The following ZNF208 variants were observed in gnomAD, a reference collection of about 807,000 sequenced individuals.
ZNF208 encodes the protein zinc finger protein 95.
In ZNF208, 10 loss-of-function variants were observed where a neutral mutation model predicts 12.1. That is an observed-to-expected ratio of 0.83 (90% confidence interval 0.51 to 1.40). The LOEUF (loss-of-function observed/expected upper bound fraction) is 1.40. Ranked by LOEUF, ZNF208 falls within the 40% of genes most tolerant of loss-of-function variation. The pLI is 0.00. For missense variants in ZNF208, 1,652 were observed against 1,485.0 expected (o/e 1.11, Z -1.85); for synonymous variants, 497 against 488.4 (o/e 1.02, Z -0.23).
At chr19:21,996,679 T>C (rs1383675261) in intron 1 of ZNF208, among the ~76,000 whole-genome samples, 2 of 152,182 alleles carry the variant, frequency 1.3e-5, no homozygotes, top group Non-Finnish European at 2.9e-5. Context: ...CATTTTAGCA[T>C]GAGGAGGGAG....
rs780663484 is a variant in ZNF208, at chr19:21,972,313, A to G, written c.2721T>C (p.His907=). 1.2e-6 allele frequency: 2 copies of G among 1,613,636 alleles called. No individual in the cohort carries two copies. The highest frequency in any genetic ancestry group is 1.7e-6 in the Non-Finnish European group (2 of 1,179,880). The change falls in exon 4 of 4, where the codon CAT becomes CAC. Residue 907 remains histidine (H), a synonymous_variant. Coordinates refer to ENST00000397126, the MANE Select transcript of ZNF208 (RefSeq NM_007153.3). The part of the protein sequence containing the change: ...GFSMFSILTK[H]EVIHTGEKPY... ...GTTTCTCTCCAGTATGAATTACCTC[A>G]TGTTTAGTAAGGATGGAGAACATAC...
rs1970264451 is a variant in ZNF208, at chr19:21,970,787, A to C, written c.*404T>G. The C allele has an allele frequency of 5.6e-6, 8 of 1,430,780 alleles. No homozygotes were observed. The highest frequency in any genetic ancestry group is 6.9e-6 in the Non-Finnish European group (7 of 1,018,958). 88.6% of individuals were successfully genotyped at this position (1,430,780 alleles called of 1,614,324 possible). The stretch of plus-strand genomic sequence containing the variant: ...CTTCACATTTTTAGAATTTCTCTCC[A>C]GCATGAATTTTCTTATGTTTACTAA... On this transcript the variant is annotated 3_prime_UTR_variant, in exon 4 of 4. Transcript: ENST00000397126.
At chr19:21,955,297 T>C (rs770189175) in intron 4 of ZNF208, among the ~76,000 whole-genome samples, 6 of 152,206 alleles carry the variant, frequency 3.9e-5, no homozygotes, top group African/African-American at 1.4e-4. Context: ...AATCTGACGA[T>C]TATGTGTCTT....
At chr19:21,964,899 C>A (rs1374996854), downstream of ZNF208, among the ~76,000 whole-genome samples, 1 of 151,824 alleles carries the variant, frequency 6.6e-6, no homozygotes, top group African/African-American at 2.4e-5. Context: ...TATAAAGTTT[C>A]TTTTAAAAAT....
downstream of ZNF208, among the ~76,000 whole-genome samples, chr19:21,964,311 G>A (rs548659955): frequency 2.2e-3 from 329 of 151,808 alleles, 1 homozygote; most frequent in Non-Finnish European, 3.8e-3. Context: ...TGAACAGTCA[G>A]AACCCAGCAC....
At chr19:21,964,145 T>C (rs1229927328), downstream of ZNF208, among the ~76,000 whole-genome samples, 2 of 151,862 alleles carry the variant, frequency 1.3e-5, no homozygotes, top group Non-Finnish European at 2.9e-5. Context: ...CTACTAATAC[T>C]TTTTTTATAA....
At chr19:21,952,260 T>G (rs936564870) in intron 4 of ZNF208, among the ~76,000 whole-genome samples, 5 of 152,218 alleles carry the variant, frequency 3.3e-5, no homozygotes, top group African/African-American at 1.2e-4. Flanking sequence ...TTCTGCAGAT[T>G]TATATGTTCC....
At chr19:21,955,542 T>G (rs1211609383) in intron 4 of ZNF208, among the ~76,000 whole-genome samples, 1 of 152,222 alleles carries the variant, frequency 6.6e-6, no homozygotes, top group Non-Finnish European at 1.5e-5. Context: ...TACTCTTGTT[T>G]CTCTAAACTT....
chr19:21,973,987 G>A lies in ZNF208; in HGVS notation c.1047C>T (p.Ala349=). The change falls in exon 4 of 4, where the codon GCC becomes GCT. Residue 349 remains alanine, a synonymous_variant. Coordinates refer to ENST00000397126, the MANE Select transcript of ZNF208 (RefSeq NM_007153.3). ...KPYKCKECGK[A]FSKFSILTKH... is the part of the protein sequence containing the mutation. ...TAGTAAGGATTGAGAACTTACTAAA[G>A]GCTTTGCCACATTCTTTACATTTGT... is the stretch of plus-strand genomic sequence containing the variant. 1 of 1,600,524 alleles carries A rather than the reference G, an allele frequency of 6.2e-7. No individual in the cohort carries two copies. Among genetic ancestry groups the A allele is most frequent in the Non-Finnish European group, 8.5e-7 (1 of 1,171,040 alleles).
rs765787515 is a variant in ZNF208, at chr19:21,971,946, T to C, written c.3088A>G (p.Lys1030Glu). Residue 1030 changes from lysine (K) to glutamate (E), a missense_variant, in exon 4 of 4, where the codon AAA (lysine) becomes GAA (glutamate). Lys to Glu is a moderately conservative substitution (Grantham distance 56). Coordinates refer to ENST00000397126, the MANE Select transcript of ZNF208 (RefSeq NM_007153.3). Reference protein sequence around the residue: ...KKIHTGETPYKCEECDKAFSW... With the variant: ...KKIHTGETPYECEECDKAFSW... The stretch of plus-strand genomic sequence containing the variant: ...AAGGCTTTGTCACATTCTTCACATT[T>C]GTAGGGTGTCTCTCCAGTGTGAATT... 6.3e-7 allele frequency: 1 copy of C among 1,576,824 alleles called. No homozygotes were observed. The highest frequency in any genetic ancestry group is 1.7e-5 in the Admixed American group (1 of 58,434).
chr19:21,984,886 G>GA (rs1356063842), intron 3 of ZNF208, among the ~76,000 whole-genome samples: 1 of 152,050 alleles, frequency 6.6e-6, no homozygotes, highest in African/African-American at 2.4e-5. Context: ...GTATAAGGAT[G>GA]AAAAATCAGA....
intron 3 of ZNF208, among the ~76,000 whole-genome samples, chr19:21,979,993 A>G (rs1205394948): frequency 6.6e-6 from 1 of 152,220 alleles, no homozygotes. Context: ...TCATTACATA[A>G]TGGTAAAGGG....
At chr19:21,988,698 T>C (rs1970668306) in intron 2 of ZNF208, 85 bp downstream of exon 2, 1 of 1,605,330 alleles carries the variant, frequency 6.2e-7, no homozygotes, top group Non-Finnish European at 8.5e-7. Context: ...CTCACATTCA[T>C]CCTCCGTTGT....
Position 21,974,790 on chromosome 19 carries a change from C to G in ZNF208, c.244G>C (p.Ala82Pro). ...CCCTGCTCTGGCCAAAGATCTTGAG[C>G]AAAATGAGAACATATAACTGAAAAG... The part of the protein sequence containing the change: ...EESPVICSHF[A>P]QDLWPEQGIE... Residue 82 changes from alanine to proline, a missense_variant, in exon 4 of 4, where the codon GCT (alanine) becomes CCT (proline). This residue lies in a region of ZNF208 where 410 missense variants were observed against 378.2 expected (regional missense o/e 1.08). Transcript: ENST00000397126. 6.4e-7 allele frequency: 1 copy of G among 1,563,426 alleles called. No individual in the cohort carries two copies. The highest frequency in any genetic ancestry group is 2.0e-5 in the Admixed American group (1 of 50,254).
chr19:21,996,745 T>C (rs1970842019), intron 1 of ZNF208, among the ~76,000 whole-genome samples: 1 of 152,154 alleles, frequency 6.6e-6, no homozygotes, highest in Admixed American at 6.5e-5. Flanking sequence ...TTTACTCTGA[T>C]TGGGTTTCTG....
rs534399172 is a variant in ZNF208 at position 21,989,587 on chromosome 19, G to GAT, written c.4-680_4-679dup. On this transcript the variant is annotated intron_variant, in intron 1 of 3. Transcript: ENST00000397126. ...TAGCAGCATGATTTATAGTCCTTTG[G>GAT]ATATATACCCAGTAATGAGATGGCT... Among the ~76,000 whole-genome samples the GAT allele has an allele frequency of 5.7e-3, 873 of 152,038 alleles. 1 individual carries two copies. Among genetic ancestry groups the GAT allele is most frequent in the African/African-American group, 0.02 (815 of 41,472 alleles).
chr19:22,009,763 AAT>A lies in ZNF208; in HGVS notation c.3+1027_3+1028del, dbSNP rs1491020313. On this transcript the variant is annotated intron_variant, in intron 1 of 3. Transcript: ENST00000397126. ...CTTGGTCTCAAAAAAAAAAAAAAAA[AAT>A]CTAATTCAAATGCATTTTTTGTAAA... Among the ~76,000 whole-genome samples the A allele has an allele frequency of 4.0e-5, 6 of 151,598 alleles. 1 individual carries two copies. Among genetic ancestry groups the A allele is most frequent in the African/African-American group, 1.5e-4 (6 of 41,312 alleles).
At chr19:21,983,353 C>T (rs535293567) in intron 3 of ZNF208, among the ~76,000 whole-genome samples, 2 of 106,562 alleles carry the variant, frequency 1.9e-5, no homozygotes, top group Admixed American at 1.9e-4. Flanking sequence ...AGTCAGGAAA[C>T]AACAGATGCT....
At chr19:21,941,209 T>C (rs748029744) in intron 4 of ZNF208, 7 of 397,030 alleles carry the variant, frequency 1.8e-5, no homozygotes, top group Non-Finnish European at 3.1e-5. Flanking sequence ...CTCCTCAAAG[T>C]GGAGCAGCAA....
Sources: gnomAD v4.1 joint callset for allele counts (sites outside exome capture counted in the v4.1 genomes callset) on GRCh38, gnomAD v4.1.1 for gene constraint, gnomAD v4.1.1 regional missense constraint, MANE v1.5 for transcripts, NCBI Gene and HGNC (gene_info 2026-07-23, HGNC 2026-07-21) for gene names.